Variants in ACAD8 observed in about 807,000 individuals in gnomAD.
ACAD8 encodes acyl-CoA dehydrogenase family member 8.
In ACAD8, 47 loss-of-function variants were observed where a neutral mutation model predicts 53.1. That is an observed-to-expected ratio of 0.89 (90% confidence interval 0.70 to 1.13). ACAD8 has a LOEUF of 1.13. ACAD8 is among the 50% of genes most tolerant of loss of function. The pLI is 0.00. For synonymous variants in ACAD8, 198 were observed against 201.3 expected (o/e 0.98, Z 0.14); for missense variants, 494 against 535.0 (o/e 0.92, Z 0.76).
chr11:134,261,890 C>T lies in ACAD8; in HGVS notation c.1092C>T (p.Ala364=), dbSNP rs146813391. 1.4e-5 allele frequency: 23 copies of T among 1,613,864 alleles called. No homozygotes were observed. The highest frequency in any genetic ancestry group is 1.7e-5 in the Non-Finnish European group (20 of 1,180,022). The change falls in exon 9 of 11, where the codon GCC becomes GCT. Residue 364 remains alanine, a splice_region_variant and synonymous_variant. Coordinates refer to ENST00000281182, the MANE Select transcript of ACAD8 (RefSeq NM_014384.3). This position sits in a 1 kb window ranked among gnomAD's most constrained non-coding sequence, Gnocchi z 4.2. ...TCTTTGCTACAGATGAATGCTTTGC[C>T]GTAAGTGATTCCTCTGGCTCTCCTG... ...AKLFATDECF[A]ICNQALQMHG...
chr11:134,253,818 C>A, intron 1 of ACAD8, 109 bp downstream of exon 1: 1 of 1,174,902 alleles, frequency 8.5e-7, no homozygotes, highest in Non-Finnish European at 1.2e-6. Flanking sequence ...GGCGTCAGCT[C>A]CCCTTCCGGC....
intron 1 of ACAD8, 71 bp downstream of exon 1, chr11:134,253,780 C>A: frequency 7.0e-7 from 1 of 1,428,758 alleles, no homozygotes; most frequent in Non-Finnish European, 9.6e-7. Flanking sequence ...CGAGGGGCTG[C>A]AGTCTCCCCG....
intron 3 of ACAD8, 38 bp from the exon 4 acceptor site, chr11:134,258,477 T>G: frequency 6.8e-7 from 1 of 1,467,832 alleles, no homozygotes; most frequent in Admixed American, 1.7e-5. Context: ...TCCATCTTTA[T>G]TTCTGTCATT....
In ACAD8 at chr11:134,261,744, C is replaced by A. The variant is rs777450263; in HGVS notation, c.946C>A (p.Gln316Lys). Residue 316 changes from glutamine (Q) to lysine (K), a missense_variant, in exon 9 of 11, where the codon CAA becomes AAA. Physicochemically the swap from Gln to Lys is moderately conservative, Grantham distance 53 (BLOSUM62 1). Transcript: ENST00000281182. The surrounding 1 kb of genome is among the most constrained non-coding windows in gnomAD (Gnocchi z 4.2). ...GEPLASNQYL[Q>K]FTLADMATRL... is the part of the protein sequence containing the mutation. ...TCTGCTCCCTGTGCTGCAGTACTTG[C>A]AATTCACACTGGCTGATATGGCAAC... The A allele has an allele frequency of 1.2e-6, 2 of 1,613,676 alleles. No homozygotes were observed.
At chr11:134,257,331 A>G (rs1939597714) in intron 3 of ACAD8, 74 bp downstream of exon 3, 2 of 1,571,668 alleles carry the variant, frequency 1.3e-6, no homozygotes, top group Non-Finnish European at 1.7e-6. Flanking sequence ...TTCGTAGGAA[A>G]AAGATTGATC....
chr11:134,260,623 A>T (rs1939821709), intron 6 of ACAD8: 1 of 306,634 alleles, frequency 3.3e-6, no homozygotes, highest in South Asian at 3.0e-5. Context: ...AAGGCTTAGA[A>T]ATGGAGTTTA....
intron 6 of ACAD8, chr11:134,260,782 G>T: frequency 2.0e-6 from 1 of 507,600 alleles, no homozygotes; most frequent in East Asian, 3.6e-5. Flanking sequence ...AAAAGAAGTT[G>T]TGAGAAGTGT....
At chr11:134,262,197 C>A in intron 9 of ACAD8, 1 of 651,272 alleles carries the variant, frequency 1.5e-6, no homozygotes, top group Non-Finnish European at 2.8e-6. Flanking sequence ...TTTACATTGT[C>A]AGGCTGCATT....
At chr11:134,255,256 C>T (rs1939447680) in intron 1 of ACAD8, among the ~76,000 whole-genome samples, 1 of 152,166 alleles carries the variant, frequency 6.6e-6, no homozygotes. Flanking sequence ...TGTGCCTCAG[C>T]CTCCCAAGTA....
rs541482270 is a variant in ACAD8, at chr11:134,263,163, G to A, written c.1195+541G>A. 74 of 1,072,050 alleles carry A rather than the reference G, an allele frequency of 6.9e-5. No homozygotes were observed. The South Asian group carries it at 1.3e-3, about 19-fold the overall frequency. 66.4% of individuals were successfully genotyped at this position (1,072,050 alleles called of 1,614,324 possible). ...AGGAAACATGGAAGCCGTTGGGGTC[G>A]GGCTCGGAGCCTGGCTGTCTCCACT... On this transcript the variant is annotated intron_variant, in intron 10 of 10. Transcript: ENST00000281182.
chr11:134,260,229 A>G, intron 6 of ACAD8: 1 of 1,081,938 alleles, frequency 9.2e-7, no homozygotes, highest in Non-Finnish European at 1.1e-6. Flanking sequence ...TTTGAAAAGT[A>G]AGATACTTCT....
chr11:134,262,696 C>G, intron 10 of ACAD8, 74 bp downstream of exon 10: 2 of 1,536,990 alleles, frequency 1.3e-6, no homozygotes, highest in Non-Finnish European at 1.8e-6. Flanking sequence ...CTCTCTGTCC[C>G]CATGCCTCCT....
At chr11:134,255,228 A>C (rs538650986) in intron 1 of ACAD8, among the ~76,000 whole-genome samples, 2 of 152,204 alleles carry the variant, frequency 1.3e-5, no homozygotes, top group East Asian at 3.9e-4. Context: ...CCTCTGCCCC[A>C]CGGGTTCAAG....
rs74891173 is a variant in ACAD8, at chr11:134,260,976, C to T, written c.706-68C>T. The T allele has an allele frequency of 8.6e-3, 13,569 of 1,581,176 alleles. 995 individuals are homozygous for T. In the African/African-American group the frequency reaches 0.16, roughly 19 times the overall value. On this transcript the variant is annotated intron_variant, in intron 6 of 10. Transcript: ENST00000281182. Reference sequence around the variant, plus strand: ...CTGAAACCCATACCTCACAGGCTCCCGTCCCCAGGGAAGGCCGCCCTACCT... The same window carrying T: ...CTGAAACCCATACCTCACAGGCTCCTGTCCCCAGGGAAGGCCGCCCTACCT...
chr11:134,255,070 G>A (rs1939420837), intron 1 of ACAD8, among the ~76,000 whole-genome samples: 1 of 152,232 alleles, frequency 6.6e-6, no homozygotes, highest in Non-Finnish European at 1.5e-5. Flanking sequence ...TACAGAAGAA[G>A]AAGATTTGTT....
In ACAD8 at chr11:134,261,437, C is replaced by T. The variant is rs1422095022; in HGVS notation, c.939+65C>T. The T allele has an allele frequency of 8.3e-6, 13 of 1,571,750 alleles. No homozygotes were observed. Among genetic ancestry groups the T allele is most frequent in the Non-Finnish European group, 1.1e-5 (13 of 1,142,290 alleles). The stretch of plus-strand genomic sequence containing the variant: ...GCAGCCCGGGACCTGCTCTAGGGCC[C>T]ACATTTCCAGGAGAGAAGCCAGGAA... On this transcript the variant is annotated intron_variant, in intron 8 of 10. Coordinates refer to ENST00000281182, the MANE Select transcript of ACAD8 (RefSeq NM_014384.3). This position sits in a 1 kb window ranked among gnomAD's most constrained non-coding sequence, Gnocchi z 4.2.
intron 1 of ACAD8, among the ~76,000 whole-genome samples, chr11:134,255,089 A>G (rs1417916284): frequency 2.6e-5 from 4 of 152,240 alleles, no homozygotes; most frequent in Non-Finnish European, 5.9e-5. Context: ...TTAACATTTA[A>G]TGAGCTCTTG....
intron 1 of ACAD8, among the ~76,000 whole-genome samples, chr11:134,255,232 G>C (rs1454198825): frequency 6.6e-6 from 1 of 152,192 alleles, no homozygotes; most frequent in Non-Finnish European, 1.5e-5. Flanking sequence ...TGCCCCACGG[G>C]TTCAAGCAAT....
intron 6 of ACAD8, 163 bp downstream of exon 6, chr11:134,259,908 G>A: frequency 6.7e-7 from 1 of 1,481,692 alleles, no homozygotes; most frequent in Non-Finnish European, 9.1e-7. Flanking sequence ...AAATACAACA[G>A]GGCATTATTA....
Sources: gnomAD v4.1 joint callset for allele counts (sites outside exome capture counted in the v4.1 genomes callset) on GRCh38, gnomAD v4.1.1 for gene constraint, Gnocchi (gnomAD v3.1) non-coding constraint, MANE v1.5 for transcripts, NCBI Gene and HGNC (gene_info 2026-07-23, HGNC 2026-07-21) for gene names.